The following MYO1E variants were observed in gnomAD, a reference collection of about 807,000 sequenced individuals.
The protein encoded by MYO1E is unconventional myosin-Ie.
A neutral mutation model predicts 151.1 loss-of-function variants in MYO1E; 68 were observed. The ratio of observed to expected loss-of-function variants is 0.45; its 90% confidence interval spans 0.37 to 0.55. The LOEUF (loss-of-function observed/expected upper bound fraction) is 0.55. Ranked by LOEUF, MYO1E falls within the 20% of genes least tolerant of loss-of-function variation. The probability of loss-of-function intolerance (pLI) is 0.00; values close to 1 mark genes in which losing one functional copy is unlikely to be tolerated. For synonymous variants in MYO1E, 601 were observed against 501.7 expected (o/e 1.20, Z -2.64); for missense variants, 1,363 against 1,389.3 (o/e 0.98, Z 0.30).
chr15:59,352,191 G>A (rs79552255), intron 1 of MYO1E, among the ~76,000 whole-genome samples: 2,024 of 152,270 alleles, frequency 0.013, 31 homozygotes, highest in Non-Finnish European at 0.022. Context: ...AGTTTCCCTC[G>A]ATTCCACTTG....
chr15:59,287,660 G>A (rs79954385), intron 1 of MYO1E, among the ~76,000 whole-genome samples: 195 of 152,338 alleles, frequency 1.3e-3, no homozygotes, highest in Non-Finnish European at 2.2e-3. Context: ...AGCCAGTGAG[G>A]AGTCTGCATG....
chr15:59,313,941 G>A (rs1184204843), intron 1 of MYO1E, among the ~76,000 whole-genome samples: 1 of 152,198 alleles, frequency 6.6e-6, no homozygotes, highest in Non-Finnish European at 1.5e-5. Flanking sequence ...GCTGGGTTAC[G>A]CCCAGACTGA....
chr15:59,150,980 C>T (rs1353918357), intron 26 of MYO1E, among the ~76,000 whole-genome samples: 2 of 125,986 alleles, frequency 1.6e-5, no homozygotes, highest in Non-Finnish European at 3.5e-5. Flanking sequence ...TTACCCAAGA[C>T]TGGGGGGTAG....
rs1428929348 is a variant in MYO1E, at chr15:59,350,580, T to C, written c.3+21918A>G. ...CACAGCTAACCATAATTCCCCAATA[T>C]GAACTGCCAGATAACCAGGGAATGT... On this transcript the variant is annotated intron_variant, in intron 1 of 27. Coordinates refer to ENST00000288235, the MANE Select transcript of MYO1E (RefSeq NM_004998.4). The surrounding 1 kb of genome is among the most constrained non-coding windows in gnomAD (Gnocchi z 5.0). Among the ~76,000 whole-genome samples the C allele has an allele frequency of 2.0e-5, 3 of 152,100 alleles. No individual in the cohort carries two copies. The highest frequency in any genetic ancestry group is 7.2e-5 in the African/African-American group (3 of 41,404).
At position 59,175,521 on chromosome 15, in the gene MYO1E, A is replaced by C. The variant is rs7175679; in HGVS notation, c.2050-1281T>G. Among the ~76,000 whole-genome samples the C allele has an allele frequency of 6.6e-3, 1,006 of 152,250 alleles. 11 individuals are homozygous for C. Among genetic ancestry groups the C allele is most frequent in the African/African-American group, 0.023 (959 of 41,558 alleles). On this transcript the variant is annotated intron_variant, in intron 19 of 27. Coordinates refer to ENST00000288235, the MANE Select transcript of MYO1E (RefSeq NM_004998.4). ...AGAAACAACAACTCAAACTCCAAAC[A>C]CCAGGGGAGGGACCACGTAATTCCC...
At chr15:59,336,207 A>C (rs2080727373) in intron 1 of MYO1E, among the ~76,000 whole-genome samples, 1 of 151,688 alleles carries the variant, frequency 6.6e-6, no homozygotes, top group Non-Finnish European at 1.5e-5. Flanking sequence ...GCCATGTCTA[A>C]AAAAAATACA....
chr15:59,184,351 T>A (rs1434252480), intron 18 of MYO1E, among the ~76,000 whole-genome samples: 1 of 151,846 alleles, frequency 6.6e-6, no homozygotes, highest in Non-Finnish European at 1.5e-5. Flanking sequence ...CCACTGTGTA[T>A]GTGTAACACA....
At chr15:59,232,161 A>AC (rs1340994945) in intron 5 of MYO1E, among the ~76,000 whole-genome samples, 1 of 151,552 alleles carries the variant, frequency 6.6e-6, no homozygotes, top group African/African-American at 2.4e-5. Context: ...TCTTCTCACT[A>AC]CCCCTTCCCA....
At chr15:59,329,997 C>T (rs1221328548) in intron 1 of MYO1E, among the ~76,000 whole-genome samples, 20 of 152,144 alleles carry the variant, frequency 1.3e-4, no homozygotes, top group Non-Finnish European at 2.4e-4. Context: ...TATTTATTAA[C>T]GCTGATGCTT....
chr15:59,171,333 GGAGGAGCA>G, intron 22 of MYO1E: 4 of 162,180 alleles, frequency 2.5e-5, no homozygotes, highest in Non-Finnish European at 5.5e-5. Flanking sequence ...GGTGCTGCCG[GGAGGAGCA>G]AGGGCCCTTC....
chr15:59,181,369 C>A (rs1188735283), intron 18 of MYO1E, among the ~76,000 whole-genome samples: 1 of 152,230 alleles, frequency 6.6e-6, no homozygotes, highest in East Asian at 1.9e-4. Context: ...CTGCCAACCA[C>A]AGAAAGAAAC....
chr15:59,206,937 A>G, intron 14 of MYO1E: 3 of 1,606,866 alleles, frequency 1.9e-6, no homozygotes, highest in Middle Eastern at 3.3e-4. Flanking sequence ...TTCAGTGAGC[A>G]GCCATGAGTT....
intron 1 of MYO1E, among the ~76,000 whole-genome samples, chr15:59,356,001 G>A (rs2080850584): frequency 6.6e-6 from 1 of 152,178 alleles, no homozygotes; most frequent in South Asian, 2.1e-4. Flanking sequence ...TTATAAGTGT[G>A]AGCCACCACG....
chr15:59,247,475 C>T (rs2080137240), intron 4 of MYO1E, among the ~76,000 whole-genome samples: 1 of 152,208 alleles, frequency 6.6e-6, no homozygotes, highest in South Asian at 2.1e-4. Context: ...TTGGAATTCT[C>T]TTAAGCCTCA....
At chr15:59,167,462 G>C (rs1010145396) in intron 22 of MYO1E, among the ~76,000 whole-genome samples, 2 of 152,216 alleles carry the variant, frequency 1.3e-5, no homozygotes, top group East Asian at 3.9e-4. Flanking sequence ...TCCTGCAATT[G>C]AGTTTTTCAA....
Position 59,163,251 on chromosome 15 carries a change from G to A in MYO1E, c.2533C>T (p.Leu845Phe), listed in dbSNP as rs747064464. ...ILHEQEYDSL[L>F]ESVFKTEFLS... ...AATTCAGTTTTGAAGACAGATTCAA[G>A]CAAACTGTCATACTCTTGCTCATGG... The change falls in exon 23 of 28, where the codon CTT (leucine) becomes TTT (phenylalanine). Residue 845 changes from leucine (L) to phenylalanine (F), a missense_variant. Transcript: ENST00000288235. The A allele has an allele frequency of 1.2e-6, 2 of 1,613,656 alleles. No individual in the cohort carries two copies. Among genetic ancestry groups the A allele is most frequent in the South Asian group, 1.1e-5 (1 of 91,068 alleles).
chr15:59,225,904 C>A (rs1253352455), intron 7 of MYO1E, among the ~76,000 whole-genome samples: 1 of 152,116 alleles, frequency 6.6e-6, no homozygotes, highest in Non-Finnish European at 1.5e-5. Flanking sequence ...CCTTGGCATC[C>A]CAAAGTGCTG....
Position 59,205,428 on chromosome 15 carries a change from G to C in MYO1E, c.1588C>G (p.Leu530Val), listed in dbSNP as rs2079827224. The change falls in exon 15 of 28, where the codon CTC (leucine) becomes GTC (valine). Residue 530 changes from leucine to valine, a missense_variant. Coordinates refer to ENST00000288235, the MANE Select transcript of MYO1E (RefSeq NM_004998.4). ...ERNRDVLFMD[L>V]IELMQSSELP... ...TCGCTGCTCTGCATAAGCTCGATGA[G>C]ATCCATAAAAAGCACATCCCGGTTC... 3.1e-6 allele frequency: 5 copies of C among 1,614,120 alleles called. No homozygotes were observed. Among genetic ancestry groups the C allele is most frequent in the Non-Finnish European group, 4.2e-6 (5 of 1,180,030 alleles).
intron 3 of MYO1E, among the ~76,000 whole-genome samples, chr15:59,258,000 A>G (rs1489221757): frequency 6.6e-6 from 1 of 152,204 alleles, no homozygotes; most frequent in African/African-American, 2.4e-5. Context: ...CAGAGCCTCC[A>G]GTGCTGCCAT....
Sources: allele counts gnomAD v4.1 joint callset (sites outside exome capture counted in the v4.1 genomes callset), GRCh38; gene constraint gnomAD v4.1.1; non-coding constraint Gnocchi (gnomAD v3.1); transcripts MANE v1.5; gene names NCBI Gene and HGNC (gene_info 2026-07-23, HGNC 2026-07-21).